The following CD300E variants were observed in gnomAD, a reference collection of about 807,000 sequenced individuals.
CD300E encodes CMRF35-like molecule 2.
Under a neutral mutation model 20.9 loss-of-function variants are expected in CD300E, and 14 were observed. The observed-to-expected ratio is 0.67, with a 90% CI of 0.44 to 1.05. The LOEUF (loss-of-function observed/expected upper bound fraction) is 1.05, where lower values mean the gene tolerates loss of function less well. Among genes scored for constraint, CD300E ranks in the 50% least tolerant of loss-of-function variants. The pLI is 0.00. For synonymous variants in CD300E, 102 were observed against 103.7 expected (o/e 0.98, Z 0.10); for missense variants, 237 against 253.9 (o/e 0.93, Z 0.45).
chr17:74,612,838 A>G, intron 3 of CD300E, 65 bp from the exon 4 acceptor site: 1 of 1,587,002 alleles, frequency 6.3e-7, no homozygotes, highest in South Asian at 1.1e-5. Flanking sequence ...TTCTCTCCCC[A>G]CCTCTCCCCA....
In CD300E at chr17:74,611,230, C is replaced by T. The variant is rs2030769000; in HGVS notation, c.*1423G>A. 6.6e-6 allele frequency: 1 copy of T among 152,236 alleles called. No individual in the cohort carries two copies. Among genetic ancestry groups the T allele is most frequent in the African/African-American group, 2.4e-5 (1 of 41,454 alleles). 9.4% of individuals were successfully genotyped at this position (152,236 alleles called of 1,614,324 possible). ...GAGTCCTGGGCCAGCCCCATCTTTC[C>T]CCTAGTCACCATGCATGATGGAGCT... is the stretch of plus-strand genomic sequence containing the variant. On this transcript the variant is annotated 3_prime_UTR_variant, in exon 4 of 4. Coordinates refer to ENST00000392619, the MANE Select transcript of CD300E (RefSeq NM_181449.3).
rs569999212 is a variant in CD300E, at chr17:74,623,031, C to A, written c.40+551G>T. Among the ~76,000 whole-genome samples the A allele has an allele frequency of 3.3e-5, 5 of 152,374 alleles. No individual in the cohort carries two copies. In the South Asian group the frequency reaches 1.0e-3, roughly 32 times the overall value. ...GGGATTACAGGCGTGAGCCACCACG[C>A]CCAGCCCATTAATTATTTCTCACAA... On this transcript the variant is annotated intron_variant, in intron 1 of 3. Coordinates refer to ENST00000392619, the MANE Select transcript of CD300E (RefSeq NM_181449.3).
intron 2 of CD300E, among the ~76,000 whole-genome samples, chr17:74,614,956 C>T (rs957810129): frequency 2.0e-5 from 3 of 152,180 alleles, no homozygotes; most frequent in Non-Finnish European, 4.4e-5. Context: ...AGCCCTTCAC[C>T]GGTGCCCGAC....
chr17:74,612,867 C>T, intron 3 of CD300E, 94 bp from the exon 4 acceptor site: 3 of 1,519,344 alleles, frequency 2.0e-6, no homozygotes, highest in Non-Finnish European at 2.7e-6. Flanking sequence ...CTCTGGAGCC[C>T]AAATAACCCA....
chr17:74,613,414 G>C (rs11868797), intron 3 of CD300E, among the ~76,000 whole-genome samples: 8,122 of 152,244 alleles, frequency 0.053, 282 homozygotes, highest in East Asian at 0.15. Flanking sequence ...CACTCTCACT[G>C]TTCCACTCCA....
chr17:74,610,523 G>A lies in CD300E; in HGVS notation c.*2130C>T, dbSNP rs570296204. On this transcript the variant is annotated 3_prime_UTR_variant, in exon 4 of 4. Transcript: ENST00000392619. ...TTTCCTACTTCTGTCAATGATGCCC[G>A]ATTCCTCTGGTTTTCCAGGCTTAAG... The A allele has an allele frequency of 6.6e-6, 1 of 152,186 alleles. No individual in the cohort carries two copies. Among genetic ancestry groups the A allele is most frequent in the African/African-American group, 2.4e-5 (1 of 41,430 alleles). The allele number at this position is 152,186 out of a possible 1,614,324, so 9.4% of individuals were successfully genotyped here.
chr17:74,620,076 C>T (rs957714762), intron 1 of CD300E, among the ~76,000 whole-genome samples: 5 of 152,228 alleles, frequency 3.3e-5, no homozygotes, highest in Non-Finnish European at 5.9e-5. Context: ...CAGTGGCCCA[C>T]GCCTGTAATC....
chr17:74,622,601 T>A (rs1382749378), intron 1 of CD300E, among the ~76,000 whole-genome samples: 1 of 152,218 alleles, frequency 6.6e-6, no homozygotes, highest in Non-Finnish European at 1.5e-5. Flanking sequence ...GACAAATGTG[T>A]TTTCCTGCAG....
Position 74,614,023 on chromosome 17 carries a change from G to T in CD300E, c.399C>A (p.Thr133=). The change falls in exon 3 of 4, where the codon ACC becomes ACA. Residue 133 remains threonine, a synonymous_variant. Transcript: ENST00000392619. ...TGGCTGGATGTGTGGTCCTCCTTGG[G>T]GTTGTAATTGCTGTTGGAGATGAAA... The part of the protein sequence containing the change: ...VRVYVSPAIT[T]PRRTTHPATP... 6.2e-7 allele frequency: 1 copy of T among 1,613,674 alleles called. No individual in the cohort carries two copies.
chr17:74,613,747 C>A (rs138960000), intron 3 of CD300E, among the ~76,000 whole-genome samples, 178 bp downstream of exon 3: 1 of 152,200 alleles, frequency 6.6e-6, no homozygotes, highest in Admixed American at 6.5e-5. Flanking sequence ...GCGTTCACAG[C>A]ACAAGTGATA....
chr17:74,615,533 A>G (rs1327501452), intron 2 of CD300E, among the ~76,000 whole-genome samples: 1 of 152,158 alleles, frequency 6.6e-6, no homozygotes. Context: ...GGAAACTCTT[A>G]ACTTCTACTG....
In CD300E at chr17:74,611,527, C is replaced by T. The variant is rs910166439; in HGVS notation, c.*1126G>A. Reference sequence around the variant, plus strand: ...AAAACCAACTGAGCTCATTCCCGAGCCAGGGGTCACCAGTAGTGGTGATAG... The same window carrying T: ...AAAACCAACTGAGCTCATTCCCGAGTCAGGGGTCACCAGTAGTGGTGATAG... On this transcript the variant is annotated 3_prime_UTR_variant, in exon 4 of 4. Transcript: ENST00000392619. 2.0e-5 allele frequency: 3 copies of T among 152,262 alleles called. No homozygotes were observed. Among genetic ancestry groups the T allele is most frequent in the Non-Finnish European group, 4.4e-5 (3 of 68,072 alleles). 9.4% of individuals were successfully genotyped at this position (152,262 alleles called of 1,614,324 possible). A position where few individuals can be genotyped will look rare whatever the true frequency, so the allele number is the denominator to read the frequency against.
At chr17:74,615,406 C>A (rs1568034100) in intron 2 of CD300E, among the ~76,000 whole-genome samples, 1 of 152,018 alleles carries the variant, frequency 6.6e-6, no homozygotes, top group Non-Finnish European at 1.5e-5. Context: ...CTGTCCTCAA[C>A]CCGAAAGGGA....
At chr17:74,618,551 T>A (rs1194268996) in intron 1 of CD300E, among the ~76,000 whole-genome samples, 1 of 152,058 alleles carries the variant, frequency 6.6e-6, no homozygotes, top group East Asian at 1.9e-4. Context: ...GCTAACTACA[T>A]CTAGATCTGA....
intron 1 of CD300E, among the ~76,000 whole-genome samples, chr17:74,619,612 A>C (rs1420679948): frequency 1.3e-5 from 2 of 152,088 alleles, no homozygotes; most frequent in South Asian, 2.1e-4. Flanking sequence ...TCTCAATCAC[A>C]CACACACACA....
At chr17:74,620,167 T>C (rs1215882164) in intron 1 of CD300E, among the ~76,000 whole-genome samples, 3 of 150,748 alleles carry the variant, frequency 2.0e-5, no homozygotes, top group Admixed American at 1.3e-4. Flanking sequence ...TGAAATCCTG[T>C]CTCTACTAAA....
At position 74,611,623 on chromosome 17, in the gene CD300E, A is replaced by G. The variant is rs186189327; in HGVS notation, c.*1030T>C. The G allele has an allele frequency of 6.6e-6, 1 of 152,456 alleles. No individual in the cohort carries two copies. The highest frequency in any genetic ancestry group is 2.4e-5 in the African/African-American group (1 of 41,580). 9.4% of individuals were successfully genotyped at this position (152,456 alleles called of 1,614,324 possible). A position where few individuals can be genotyped will look rare whatever the true frequency, so the allele number is the denominator to read the frequency against. On this transcript the variant is annotated 3_prime_UTR_variant, in exon 4 of 4. Transcript: ENST00000392619. ...CTCCATCCTGTCTTTGAAAAACGAT[A>G]TCTGCTCTGCCTGTGGAAAAGGTTA...
chr17:74,619,611 CACACACACACACAT>C (rs1033432580), intron 1 of CD300E, among the ~76,000 whole-genome samples: 2 of 151,414 alleles, frequency 1.3e-5, no homozygotes, highest in African/African-American at 2.4e-5. Context: ...CTCTCAATCA[CACACACACACACAT>C]ACACACACAC....
chr17:74,612,622 G>A lies in CD300E; in HGVS notation c.*31C>T. ...CCTGCACGGGGCACTCCTGGGGATG[G>A]GGCTCTGCAGGGCTTCGGGTCAGCC... On this transcript the variant is annotated 3_prime_UTR_variant, in exon 4 of 4. Transcript: ENST00000392619. 6.2e-7 allele frequency: 1 copy of A among 1,610,474 alleles called. No homozygotes were observed. Among genetic ancestry groups the A allele is most frequent in the Non-Finnish European group, 8.5e-7 (1 of 1,179,138 alleles).
Sources: allele counts gnomAD v4.1 joint callset (sites outside exome capture counted in the v4.1 genomes callset), GRCh38; gene constraint gnomAD v4.1.1; transcripts MANE v1.5; gene names NCBI Gene and HGNC (gene_info 2026-07-23, HGNC 2026-07-21).